The following MICAL3 variants were observed in gnomAD, a reference collection of about 807,000 sequenced individuals.
MICAL3 encodes microtubule associated monooxygenase, calponin and LIM domain containing 3, also known as [F-actin]-monooxygenase MICAL3.
In MICAL3, 62 loss-of-function variants were observed where a neutral mutation model predicts 207.4. The ratio of observed to expected loss-of-function variants is 0.30; its 90% CI spans 0.24 to 0.37. The LOEUF (loss-of-function observed/expected upper bound fraction) is 0.37. MICAL3 is among the 10% of genes least tolerant of loss of function. The probability of loss-of-function intolerance (pLI) is 1.00; values close to 1 mark genes in which losing one functional copy is unlikely to be tolerated. For missense variants in MICAL3, 2,368 were observed against 2,635.6 expected, an observed-to-expected ratio of 0.90 and a Z score of 2.22; for synonymous variants, 1,077 against 1,069.3, an observed-to-expected ratio of 1.01 and a Z score of -0.14.
Position 17,820,954 on chromosome 22 carries a change from A to G in MICAL3, c.3531+473T>C, listed in dbSNP as rs1421110435. ...TTAATAAATTTATGTTTATAAACAT[A>G]AATTTTAATAAATTTATATTTATAA... On this transcript the variant is annotated intron_variant, in intron 25 of 31. Coordinates refer to ENST00000441493, the MANE Select transcript of MICAL3 (RefSeq NM_015241.3). Among the ~76,000 whole-genome samples, 5 of 142,360 alleles carry G rather than the reference A, an allele frequency of 3.5e-5. No individual in the cohort carries two copies. The East Asian group carries it at 9.9e-4, about 28-fold the overall frequency. The allele number at this position is 142,360 out of a possible 152,430, so 93.4% of individuals were successfully genotyped here. A position where few individuals can be genotyped will look rare whatever the true frequency, so the allele number is the denominator to read the frequency against.
At chr22:18,017,752 A>ATTT (rs532674200) in intron 1 of MICAL3, among the ~76,000 whole-genome samples, 1 of 131,560 alleles carries the variant, frequency 7.6e-6, no homozygotes, top group Non-Finnish European at 1.6e-5. Context: ...CACCCGGCTA[A>ATTT]TTTTTTTTTT....
At chr22:17,832,546 G>A (rs1170221747) in intron 20 of MICAL3, among the ~76,000 whole-genome samples, 2 of 152,198 alleles carry the variant, frequency 1.3e-5, no homozygotes, top group African/African-American at 4.8e-5. Context: ...AGCAAACACT[G>A]AGATCGCTGG....
chr22:17,822,119 G>T lies in MICAL3; in HGVS notation c.3359C>A (p.Pro1120Gln). The T allele has an allele frequency of 6.2e-7, 1 of 1,613,818 alleles. No homozygotes were observed. Among genetic ancestry groups the T allele is most frequent in the South Asian group, 1.1e-5 (1 of 91,086 alleles). The change falls in exon 24 of 32, where the codon CCG becomes CAG. Residue 1120 changes from proline to glutamine, a missense_variant. Pro to Gln is a moderately conservative substitution (Grantham distance 76). Transcript: ENST00000441493. ...CTCTGCTTCCCCCTCAGCTGGGCAC[G>T]GCAAACGCAGCTCTCTGTCAGCATC... Reference protein sequence around the residue: ...PSDADRELRLPCPAEGEAELE... With the variant: ...PSDADRELRLQCPAEGEAELE...
intron 1 of MICAL3, among the ~76,000 whole-genome samples, chr22:17,918,183 T>G (rs1178256525): frequency 6.6e-6 from 1 of 152,144 alleles, no homozygotes; most frequent in Non-Finnish European, 1.5e-5. Context: ...GACTCCTTTA[T>G]ACACTTCAAA....
chr22:17,915,309 G>A (rs1172125808), intron 1 of MICAL3, among the ~76,000 whole-genome samples: 2 of 152,320 alleles, frequency 1.3e-5, no homozygotes, highest in East Asian at 1.9e-4. Context: ...AGGGCTACCC[G>A]GTCACCTACA....
At chr22:17,996,703 A>ATC (rs1193333403) in intron 1 of MICAL3, among the ~76,000 whole-genome samples, 9 of 152,210 alleles carry the variant, frequency 5.9e-5, no homozygotes, top group African/African-American at 2.2e-4. Flanking sequence ...CAAAGATGAC[A>ATC]GAGTGCGTGG....
chr22:17,823,623 A>G (rs1353101108), intron 22 of MICAL3, among the ~76,000 whole-genome samples: 9 of 152,236 alleles, frequency 5.9e-5, no homozygotes, highest in Non-Finnish European at 1.3e-4. Context: ...CATGCATAAA[A>G]TTATTAAAAA....
rs1261402833 is a variant in MICAL3, at chr22:17,791,007, C to A, written c.5815G>T (p.Ala1939Ser). Reference protein sequence around the residue: ...RLQQELRERMAVEDHLKTEEE... With the variant: ...RLQQELRERMSVEDHLKTEEE... The stretch of plus-strand genomic sequence containing the variant: ...GCCTTACCCCACTCACCTTCCACTG[C>A]CATGCGTTCCCGGAGCTCCTGCTGC... Residue 1939 changes from alanine (A) to serine (S), a missense_variant, in exon 31 of 32, where the codon GCA becomes TCA. By Grantham distance (99) the Ala-to-Ser change is moderately conservative. This residue lies in a region of MICAL3 where 1,770 missense variants were observed against 1,863.2 expected (regional missense o/e 0.95). Transcript: ENST00000441493. The A allele has an allele frequency of 6.2e-7, 1 of 1,612,372 alleles. No homozygotes were observed. Among genetic ancestry groups the A allele is most frequent in the African/African-American group, 1.3e-5 (1 of 74,814 alleles).
chr22:17,866,067 C>T (rs1211741391), intron 17 of MICAL3, 55 bp from the exon 18 acceptor site: 16 of 1,350,366 alleles, frequency 1.2e-5, no homozygotes, highest in African/African-American at 7.2e-5. Context: ...GGATCCTGAA[C>T]GTGCCTCCCT....
At chr22:17,875,406 C>A in intron 16 of MICAL3, 2 of 1,298,266 alleles carry the variant, frequency 1.5e-6, no homozygotes, top group Non-Finnish European at 2.1e-6. Flanking sequence ...TGAGTGGAGG[C>A]TGCGGAGGGC....
At chr22:17,952,627 A>C (rs186619378) in intron 1 of MICAL3, among the ~76,000 whole-genome samples, 1 of 152,390 alleles carries the variant, frequency 6.6e-6, no homozygotes, top group Non-Finnish European at 1.5e-5. Flanking sequence ...AATACCAAGC[A>C]GCTAATCATA....
At chr22:17,862,489 T>A in intron 19 of MICAL3, 2 of 683,352 alleles carry the variant, frequency 2.9e-6, no homozygotes, top group Non-Finnish European at 1.8e-6. Context: ...CTCGATCTCC[T>A]GACCTCGTGA....
At chr22:17,999,760 G>A (rs1033911691) in intron 1 of MICAL3, among the ~76,000 whole-genome samples, 5 of 152,210 alleles carry the variant, frequency 3.3e-5, no homozygotes, top group African/African-American at 1.2e-4. Flanking sequence ...AACCAGGTCT[G>A]AGTTCTAAAG....
intron 17 of MICAL3, among the ~76,000 whole-genome samples, chr22:17,868,354 T>C (rs557306387): frequency 6.6e-6 from 1 of 152,346 alleles, no homozygotes; most frequent in Admixed American, 6.5e-5. Flanking sequence ...TGTTAACATT[T>C]ACCAAGTGCC....
intron 1 of MICAL3, among the ~76,000 whole-genome samples, chr22:17,986,669 C>A (rs1405759858): frequency 3.3e-5 from 5 of 152,166 alleles, no homozygotes; most frequent in Admixed American, 6.5e-5. Flanking sequence ...AAAAATGCAT[C>A]CCTCTACTCC....
At chr22:17,803,260 C>T (rs1020190762) in intron 29 of MICAL3, among the ~76,000 whole-genome samples, 2 of 152,046 alleles carry the variant, frequency 1.3e-5, no homozygotes, top group Non-Finnish European at 2.9e-5. Context: ...GAGGGAGGGA[C>T]GTTGTTATGG....
intron 19 of MICAL3, among the ~76,000 whole-genome samples, chr22:17,852,926 T>A (rs1236878904): frequency 6.6e-6 from 1 of 151,976 alleles, no homozygotes; most frequent in Non-Finnish European, 1.5e-5. Flanking sequence ...AATATAAAAA[T>A]TAGCCGGGCG....
chr22:17,879,347 C>T, intron 16 of MICAL3: 1 of 1,609,430 alleles, frequency 6.2e-7, no homozygotes, highest in Middle Eastern at 1.7e-4. Flanking sequence ...CTCTTTTACC[C>T]TCTCATGGTG....
Position 17,865,955 on chromosome 22 carries a change from T to C in MICAL3, c.2486A>G (p.Lys829Arg). Residue 829 changes from lysine to arginine, a missense_variant, in exon 18 of 32, where the codon AAG becomes AGG. Lys to Arg is a conservative substitution (Grantham distance 26, BLOSUM62 2). Coordinates refer to ENST00000441493, the MANE Select transcript of MICAL3 (RefSeq NM_015241.3). The stretch of plus-strand genomic sequence containing the variant: ...AGACAGGGGAGCCACTGCCGGTCTC[T>C]TCCTTTGTGCGTAGCCAGAGAGTCG... Reference protein sequence around the residue: ...CYRLSGYAQRKRPAVAPLSGK... With the variant: ...CYRLSGYAQRRRPAVAPLSGK... 6.2e-7 allele frequency: 1 copy of C among 1,613,992 alleles called. No individual in the cohort carries two copies. Among genetic ancestry groups the C allele is most frequent in the Non-Finnish European group, 8.5e-7 (1 of 1,179,846 alleles).
Sources: allele counts gnomAD v4.1 joint callset (sites outside exome capture counted in the v4.1 genomes callset), GRCh38; gene constraint gnomAD v4.1.1; regional missense constraint gnomAD v4.1.1; transcripts MANE v1.5; gene names NCBI Gene and HGNC (gene_info 2026-07-23, HGNC 2026-07-21).